The following ANK3 variants were observed in gnomAD, a reference collection of about 807,000 sequenced individuals.
ANK3 encodes ankyrin 3.
A neutral mutation model predicts 370.9 loss-of-function variants in ANK3; 57 were observed. The ratio of observed to expected loss-of-function variants is 0.15; its 90% CI spans 0.12 to 0.19. The LOEUF is 0.19. ANK3 is among the 10% of genes least tolerant of loss of function. The pLI, the probability that ANK3 is intolerant of heterozygous loss-of-function variation, is 1.00. For synonymous variants in ANK3, 1,929 were observed against 1,946.3 expected, an observed-to-expected ratio of 0.99 and a Z score of 0.23; for missense variants, 4,439 against 5,302.1, an observed-to-expected ratio of 0.84 and a Z score of 5.06.
intron 1 of ANK3, among the ~76,000 whole-genome samples, chr10:60,358,927 C>A (rs374162211): frequency 5.9e-5 from 9 of 152,162 alleles, no homozygotes; most frequent in African/African-American, 2.2e-4. Flanking sequence ...TCCTAACCAC[C>A]CTAAATAAAT....
At chr10:60,284,568 C>T (rs1566253441) in intron 1 of ANK3, among the ~76,000 whole-genome samples, 2 of 152,128 alleles carry the variant, frequency 1.3e-5, no homozygotes, top group African/African-American at 4.8e-5. Context: ...GAATTCTTAG[C>T]TCATTCATTC....
intron 1 of ANK3, among the ~76,000 whole-genome samples, chr10:60,304,574 C>T (rs909461392): frequency 2.0e-5 from 3 of 151,916 alleles, no homozygotes; most frequent in East Asian, 1.9e-4. Flanking sequence ...ACCCCAGAGG[C>T]GGAGGTTGCA....
chr10:60,304,412 G>T (rs1566425796), intron 1 of ANK3, among the ~76,000 whole-genome samples: 1 of 152,140 alleles, frequency 6.6e-6, no homozygotes, highest in Non-Finnish European at 1.5e-5. Flanking sequence ...GGAGGCTGAG[G>T]TGGGTGTATC....
intron 1 of ANK3, among the ~76,000 whole-genome samples, chr10:60,345,142 G>C (rs749475613): frequency 1.3e-5 from 2 of 152,132 alleles, no homozygotes; most frequent in East Asian, 3.9e-4. Context: ...CCTCAACTGA[G>C]CATTAAACTA....
intron 25 of ANK3, among the ~76,000 whole-genome samples, chr10:60,121,690 C>CAA (rs56258116): frequency 7.0e-4 from 100 of 142,224 alleles, no homozygotes; most frequent in Middle Eastern, 7.1e-3. Flanking sequence ...GACCCTTTCT[C>CAA]AAAAAAAAAA....
intron 2 of ANK3, among the ~76,000 whole-genome samples, chr10:60,583,516 TTGTTTTTTG>T (rs1165779945): frequency 8.1e-6 from 1 of 123,622 alleles, no homozygotes; most frequent in East Asian, 2.8e-4. Flanking sequence ...TTTTTGTTTT[TTGTTTTTTG>T]TTTTTTTTTG....
chr10:60,732,666 C>T (rs1356905545), intron 1 of ANK3, among the ~76,000 whole-genome samples: 1 of 152,012 alleles, frequency 6.6e-6, no homozygotes, highest in Non-Finnish European at 1.5e-5. Context: ...GGAGTTAAAT[C>T]GACTCACTTT....
At chr10:60,426,521 G>A (rs184716733) in intron 2 of ANK3, among the ~76,000 whole-genome samples, 1 of 152,080 alleles carries the variant, frequency 6.6e-6, no homozygotes, top group Non-Finnish European at 1.5e-5. Flanking sequence ...ATGGGCAGGA[G>A]ACGCAATGAG....
At chr10:60,106,193 C>A in intron 27 of ANK3, 134 bp from the exon 28 acceptor site, 3 of 764,608 alleles carry the variant, frequency 3.9e-6, no homozygotes, top group Non-Finnish European at 6.0e-6. Context: ...TTCAAAGCTG[C>A]AGAATCATTT....
intron 2 of ANK3, among the ~76,000 whole-genome samples, chr10:60,479,011 G>A (rs187114234): frequency 3.3e-5 from 5 of 152,126 alleles, no homozygotes; most frequent in Non-Finnish European, 5.9e-5. Flanking sequence ...CCCAAACCAC[G>A]ATCTCATCTT....
At chr10:60,517,864 G>T (rs10821787) in intron 2 of ANK3, among the ~76,000 whole-genome samples, 35,396 of 151,884 alleles carry the variant, frequency 0.23, 4,536 homozygotes, top group East Asian at 0.47. Context: ...AGACAGTAAA[G>T]GGTAACTGGG....
intron 2 of ANK3, among the ~76,000 whole-genome samples, chr10:60,465,333 A>G (rs1386404172): frequency 6.6e-6 from 1 of 152,206 alleles, no homozygotes; most frequent in Non-Finnish European, 1.5e-5. Context: ...AGACTTGTGT[A>G]GGAATTTTTA....
At chr10:60,413,041 A>G (rs2063590872) in intron 2 of ANK3, among the ~76,000 whole-genome samples, 1 of 152,246 alleles carries the variant, frequency 6.6e-6, no homozygotes, top group African/African-American at 2.4e-5. Context: ...TTCAGAAACA[A>G]TAAAACCTGA....
At chr10:60,138,786 C>G (rs183053688) in intron 24 of ANK3, 178 bp downstream of exon 24, 3 of 789,790 alleles carry the variant, frequency 3.8e-6, no homozygotes, top group Non-Finnish European at 5.8e-6. Flanking sequence ...AATTAACAAC[C>G]GCAAACCACA....
chr10:60,447,355 A>C (rs1419679265), intron 2 of ANK3, among the ~76,000 whole-genome samples: 1 of 152,194 alleles, frequency 6.6e-6, no homozygotes, highest in Non-Finnish European at 1.5e-5. Flanking sequence ...TGGTTCAGGA[A>C]AGGCAAAAAT....
intron 1 of ANK3, among the ~76,000 whole-genome samples, chr10:60,385,158 C>T (rs180719093): frequency 6.6e-6 from 1 of 152,288 alleles, no homozygotes; most frequent in East Asian, 1.9e-4. Context: ...TGAAGATCTT[C>T]ATGCTCTGGC....
At position 60,684,899 on chromosome 10, in the gene ANK3, T is replaced by C; in HGVS notation, c.57+48364A>G. On this transcript the variant is annotated intron_variant, in intron 1 of 43. Transcript: ENST00000373827. Reference sequence around the variant, plus strand: ...AATCAAGGAGTCCCTGTACTTACAGTTGCTAATAAACAAGACTTGGAGAAC... The same window carrying C: ...AATCAAGGAGTCCCTGTACTTACAGCTGCTAATAAACAAGACTTGGAGAAC... 5 of 1,493,058 alleles carry C rather than the reference T, an allele frequency of 3.3e-6. 1 individual carries two copies. The South Asian group carries it at 3.4e-5, about 10-fold the overall frequency. The allele number at this position is 1,493,058 out of a possible 1,614,324, so 92.5% of individuals were successfully genotyped here.
chr10:60,124,320 C>T (rs112152982), intron 25 of ANK3, among the ~76,000 whole-genome samples: 5,516 of 149,844 alleles, frequency 0.037, 165 homozygotes, highest in Non-Finnish European at 0.056. Context: ...TGCCACCACG[C>T]CCAGCTGATT....
At chr10:60,034,636 C>A (rs1004729396) in intron 43 of ANK3, among the ~76,000 whole-genome samples, 6 of 152,154 alleles carry the variant, frequency 3.9e-5, no homozygotes, top group Non-Finnish European at 8.8e-5. Context: ...CTTGAAAGTT[C>A]AGATTTCTTT....
Sources: allele counts gnomAD v4.1 joint callset (sites outside exome capture counted in the v4.1 genomes callset), GRCh38; gene constraint gnomAD v4.1.1; transcripts MANE v1.5; gene names NCBI Gene and HGNC (gene_info 2026-07-23, HGNC 2026-07-21).